Variants in SLC24A3 observed in about 807,000 individuals in gnomAD.
SLC24A3 encodes sodium/potassium/calcium exchanger 3.
SLC24A3 carries 28 observed loss-of-function variants against 75.8 expected under a neutral mutation model. The observed-to-expected ratio is 0.37, with a 90% CI of 0.27 to 0.51. The LOEUF is 0.51. SLC24A3 is among the 20% of genes least tolerant of loss of function. The pLI is 0.94. For synonymous variants in SLC24A3, 372 were observed against 334.1 expected (o/e 1.11, Z -1.24); for missense variants, 663 against 847.8 (o/e 0.78, Z 2.71).
At chr20:19,685,458 A>G (rs1234529917) in intron 12 of SLC24A3, 97 bp downstream of exon 12, 1 of 1,530,182 alleles carries the variant, frequency 6.5e-7, no homozygotes, top group Non-Finnish European at 8.8e-7. Flanking sequence ...TCAATTTTTT[A>G]AAATCTCTGT....
At chr20:19,395,511 GCT>G (rs950542625) in intron 2 of SLC24A3, among the ~76,000 whole-genome samples, 1 of 152,202 alleles carries the variant, frequency 6.6e-6, no homozygotes, top group Non-Finnish European at 1.5e-5. Flanking sequence ...CACAAAATTT[GCT>G]CTGTTCGTCT....
At chr20:19,348,451 T>C (rs949687315) in intron 2 of SLC24A3, among the ~76,000 whole-genome samples, 7 of 152,158 alleles carry the variant, frequency 4.6e-5, no homozygotes, top group African/African-American at 9.7e-5. Context: ...ATTTCCATCA[T>C]CACAGAAAGT....
rs888483594 is a variant in SLC24A3 at position 19,427,636 on chromosome 20, C to T, written c.272-87852C>T. Among the ~76,000 whole-genome samples, 5 of 152,308 alleles carry T rather than the reference C, an allele frequency of 3.3e-5. No homozygotes were observed. In the East Asian group the frequency reaches 9.7e-4, roughly 29 times the overall value. On this transcript the variant is annotated intron_variant, in intron 2 of 16. Transcript: ENST00000328041. ...CTATCGGGAACCCGGAGTCCATTCC[C>T]ACTGCCGTGCCTCTGCCTATTACAG...
chr20:19,350,528 A>T (rs568804368), intron 2 of SLC24A3, among the ~76,000 whole-genome samples: 1 of 152,336 alleles, frequency 6.6e-6, no homozygotes, highest in South Asian at 2.1e-4. Context: ...AAACAAAAAG[A>T]TATGTGTTGC....
intron 4 of SLC24A3, among the ~76,000 whole-genome samples, chr20:19,581,764 T>G (rs936289543): frequency 2.0e-5 from 3 of 152,136 alleles, no homozygotes; most frequent in African/African-American, 7.2e-5. Context: ...ATAGAGTCAC[T>G]ATTTGAGCCC....
chr20:19,253,058 C>T (rs1386139605), intron 1 of SLC24A3, among the ~76,000 whole-genome samples: 2 of 152,206 alleles, frequency 1.3e-5, no homozygotes, highest in African/African-American at 4.8e-5. Context: ...GTTAGGCAAT[C>T]CTGCTGCTCC....
chr20:19,323,700 A>G (rs1341514649), intron 2 of SLC24A3, among the ~76,000 whole-genome samples: 1 of 152,110 alleles, frequency 6.6e-6, no homozygotes, highest in Non-Finnish European at 1.5e-5. Flanking sequence ...TTTAGCTACT[A>G]TTTATACATT....
chr20:19,267,051 G>A (rs1005030120), intron 1 of SLC24A3, among the ~76,000 whole-genome samples: 5 of 152,088 alleles, frequency 3.3e-5, no homozygotes, highest in South Asian at 2.1e-4. Flanking sequence ...ATAAAATAGC[G>A]ATGAAATGAA....
chr20:19,434,402 C>G lies in SLC24A3; in HGVS notation c.272-81086C>G, dbSNP rs1033973808. ...CTTGAGTCTGAGCACATGGTGGGAA[C>G]AAATGAGAAAACGTTCTTCAGGTGA... is the stretch of plus-strand genomic sequence containing the variant. On this transcript the variant is annotated intron_variant, in intron 2 of 16. Transcript: ENST00000328041. Among the ~76,000 whole-genome samples, 4 of 152,194 alleles carry G rather than the reference C, an allele frequency of 2.6e-5. No homozygotes were observed. The East Asian group carries it at 7.7e-4, about 29-fold the overall frequency.
intron 9 of SLC24A3, among the ~76,000 whole-genome samples, chr20:19,675,935 T>C (rs1249328278): frequency 6.6e-6 from 1 of 152,224 alleles, no homozygotes; most frequent in Non-Finnish European, 1.5e-5. Context: ...TGTTTTCTAG[T>C]GCATCGTTTC....
At chr20:19,561,811 TAGTG>T (rs1269296225) in intron 3 of SLC24A3, among the ~76,000 whole-genome samples, 1 of 152,152 alleles carries the variant, frequency 6.6e-6, no homozygotes, top group Non-Finnish European at 1.5e-5. Flanking sequence ...ACTGAAGCCT[TAGTG>T]AGGTCAAAAT....
intron 1 of SLC24A3, among the ~76,000 whole-genome samples, chr20:19,258,017 G>A (rs1982867313): frequency 6.6e-6 from 1 of 152,238 alleles, no homozygotes; most frequent in African/African-American, 2.4e-5. Flanking sequence ...AGGCTGGTAA[G>A]AGTCTGAGCC....
At chr20:19,227,757 A>C (rs548270111) in intron 1 of SLC24A3, among the ~76,000 whole-genome samples, 6 of 152,282 alleles carry the variant, frequency 3.9e-5, no homozygotes, top group Admixed American at 3.9e-4. Flanking sequence ...TCATTAATTA[A>C]TTGTAACTTA....
rs139500032 is a variant in SLC24A3 at position 19,307,733 on chromosome 20, A to G, written c.271+26646A>G. On this transcript the variant is annotated intron_variant, in intron 2 of 16. Transcript: ENST00000328041. The stretch of plus-strand genomic sequence containing the variant: ...ATGTGCACCTAGGTAACAAACCTGC[A>G]TGTTCAGCACGTGTATCCCAGAACT... 7.9e-5 allele frequency among the ~76,000 whole-genome samples: 12 copies of G among 152,334 alleles called. No individual in the cohort carries two copies. The East Asian group carries it at 2.3e-3, about 29-fold the overall frequency.
intron 3 of SLC24A3, among the ~76,000 whole-genome samples, chr20:19,575,412 T>C (rs2031119532): frequency 6.6e-6 from 1 of 151,936 alleles, no homozygotes; most frequent in African/African-American, 2.4e-5. Context: ...GGAGGCCAGA[T>C]ACATGAACAT....
intron 8 of SLC24A3, among the ~76,000 whole-genome samples, chr20:19,673,072 G>A (rs983534871): frequency 1.3e-5 from 2 of 152,174 alleles, no homozygotes; most frequent in African/African-American, 4.8e-5. Context: ...CTTCCTTCCT[G>A]TGGAATGTTT....
chr20:19,386,409 T>C (rs1986273755), intron 2 of SLC24A3, among the ~76,000 whole-genome samples: 1 of 152,190 alleles, frequency 6.6e-6, no homozygotes, highest in African/African-American at 2.4e-5. Context: ...TATGCCTTTT[T>C]ATTTCTTATC....
intron 1 of SLC24A3, among the ~76,000 whole-genome samples, chr20:19,249,722 G>A (rs1490854016): frequency 2.6e-5 from 4 of 152,084 alleles, no homozygotes; most frequent in Admixed American, 2.6e-4. Context: ...GACCCCTGGT[G>A]ACTCACTTTG....
At chr20:19,527,173 G>A (rs1411434980) in intron 3 of SLC24A3, among the ~76,000 whole-genome samples, 1 of 152,102 alleles carries the variant, frequency 6.6e-6, no homozygotes, top group Non-Finnish European at 1.5e-5. Flanking sequence ...GGAAGAGTGG[G>A]ACTTTACACT....
Sources: gnomAD v4.1 joint callset for allele counts (sites outside exome capture counted in the v4.1 genomes callset) on GRCh38, gnomAD v4.1.1 for gene constraint, MANE v1.5 for transcripts, NCBI Gene and HGNC (gene_info 2026-07-23, HGNC 2026-07-21) for gene names.